The following SPOCK3 variants were observed in gnomAD, a reference collection of about 807,000 sequenced individuals.
SPOCK3 encodes SPARC (osteonectin), cwcv and kazal like domains proteoglycan 3, also known as testican-3.
SPOCK3 carries 30 observed loss-of-function variants against 56.6 expected under a neutral mutation model. That is an observed-to-expected ratio of 0.53 (90% CI 0.40 to 0.72). SPOCK3 has a LOEUF of 0.72. Among genes scored for constraint, SPOCK3 ranks in the 30% least tolerant of loss-of-function variants. The pLI, the probability that SPOCK3 is intolerant of heterozygous loss-of-function variation, is 0.00. For synonymous variants in SPOCK3, 196 were observed against 183.3 expected (o/e 1.07, Z -0.56); for missense variants, 527 against 530.0 (o/e 0.99, Z 0.06).
intron 6 of SPOCK3, among the ~76,000 whole-genome samples, chr4:166,840,960 C>T (rs187518291): frequency 4.7e-5 from 7 of 150,400 alleles, no homozygotes; most frequent in Non-Finnish European, 1.0e-4. Flanking sequence ...TTGTATTTTT[C>T]GTAGCGACGG....
intron 8 of SPOCK3, among the ~76,000 whole-genome samples, chr4:166,748,983 A>C (rs1233203412): frequency 7.3e-6 from 1 of 137,326 alleles, no homozygotes; most frequent in African/African-American, 3.1e-5. Flanking sequence ...AAAGTCAGGA[A>C]ACAACAGGTG....
intron 3 of SPOCK3, among the ~76,000 whole-genome samples, chr4:167,033,233 C>T (rs1234295167): frequency 6.6e-6 from 1 of 151,484 alleles, no homozygotes; most frequent in Admixed American, 6.6e-5. Flanking sequence ...CAAAGTAATT[C>T]ACCACTGAGC....
At chr4:167,044,251 T>G (rs1023936486) in intron 3 of SPOCK3, among the ~76,000 whole-genome samples, 6 of 152,050 alleles carry the variant, frequency 3.9e-5, no homozygotes, top group Non-Finnish European at 7.4e-5. Flanking sequence ...AATATTTACT[T>G]ATTATCCTTT....
chr4:167,123,740 C>CTTTTTTTTTTT (rs901846399), intron 2 of SPOCK3, among the ~76,000 whole-genome samples: 2 of 118,382 alleles, frequency 1.7e-5, no homozygotes, highest in African/African-American at 6.4e-5. Flanking sequence ...CATTTCTTTT[C>CTTTTTTTTTTT]TTTTTTTTTT....
chr4:167,218,335 T>C (rs1047029337), intron 2 of SPOCK3, among the ~76,000 whole-genome samples: 2 of 152,062 alleles, frequency 1.3e-5, no homozygotes, highest in African/African-American at 4.8e-5. Context: ...AGTTCAAGAG[T>C]AGCAACTAGC....
chr4:167,214,449 TG>T (rs1401209550), intron 2 of SPOCK3, among the ~76,000 whole-genome samples: 1 of 152,094 alleles, frequency 6.6e-6, no homozygotes, highest in Non-Finnish European at 1.5e-5. Context: ...CAATTTTGTT[TG>T]GGGTACTAAA....
intron 6 of SPOCK3, among the ~76,000 whole-genome samples, chr4:166,848,255 A>T (rs1360105307): frequency 6.6e-6 from 1 of 152,198 alleles, no homozygotes; most frequent in Non-Finnish European, 1.5e-5. Context: ...TCAAATGACT[A>T]CAGCATAGAT....
chr4:166,971,315 G>C (rs902186419), intron 4 of SPOCK3, among the ~76,000 whole-genome samples: 1 of 151,862 alleles, frequency 6.6e-6, no homozygotes, highest in Admixed American at 6.6e-5. Context: ...GTATTGTTTA[G>C]CTCCAAAAAG....
chr4:166,804,167 G>A (rs530059259), intron 6 of SPOCK3, among the ~76,000 whole-genome samples: 3 of 152,208 alleles, frequency 2.0e-5, no homozygotes, highest in East Asian at 3.9e-4. Flanking sequence ...TTTGTAAGAC[G>A]TCAGAATTCT....
At chr4:167,061,585 C>A (rs900358323) in intron 3 of SPOCK3, among the ~76,000 whole-genome samples, 1 of 151,852 alleles carries the variant, frequency 6.6e-6, no homozygotes, top group African/African-American at 2.4e-5. Context: ...GCAGTCACCC[C>A]AAATATTAAG....
At chr4:166,824,321 T>C (rs1377235817) in intron 6 of SPOCK3, among the ~76,000 whole-genome samples, 2 of 152,104 alleles carry the variant, frequency 1.3e-5, no homozygotes, top group East Asian at 1.9e-4. Flanking sequence ...AAGTAGAGCC[T>C]TTGGAACATT....
chr4:166,832,779 T>G (rs1362985005), intron 6 of SPOCK3, among the ~76,000 whole-genome samples: 1 of 152,144 alleles, frequency 6.6e-6, no homozygotes, highest in African/African-American at 2.4e-5. Context: ...GGGGCTATTA[T>G]CCTAAGCAAA....
intron 4 of SPOCK3, among the ~76,000 whole-genome samples, chr4:166,923,335 A>T (rs1161877853): frequency 6.6e-6 from 1 of 152,206 alleles, no homozygotes; most frequent in Non-Finnish European, 1.5e-5. Flanking sequence ...TTTGGCACAC[A>T]TAGTAATATT....
chr4:166,905,535 A>G (rs1736516685), intron 5 of SPOCK3, among the ~76,000 whole-genome samples: 2 of 152,034 alleles, frequency 1.3e-5, no homozygotes, highest in Admixed American at 6.6e-5. Flanking sequence ...TTTACATGCA[A>G]AAATCTATAG....
At chr4:166,944,592 G>C (rs1264067594) in intron 4 of SPOCK3, among the ~76,000 whole-genome samples, 1 of 152,034 alleles carries the variant, frequency 6.6e-6, no homozygotes, top group Non-Finnish European at 1.5e-5. Flanking sequence ...AAACATTATA[G>C]ATCAATTACA....
chr4:166,944,220 C>CT (rs368547823), intron 4 of SPOCK3, among the ~76,000 whole-genome samples: 40 of 151,330 alleles, frequency 2.6e-4, no homozygotes, highest in South Asian at 6.3e-4. Flanking sequence ...AGAAGTGTCT[C>CT]TTTTTTTTTA....
chr4:166,837,331 A>G (rs1746724224), intron 6 of SPOCK3, among the ~76,000 whole-genome samples: 1 of 151,968 alleles, frequency 6.6e-6, no homozygotes, highest in Non-Finnish European at 1.5e-5. Context: ...TCTGGACTTG[A>G]GCTCTATTTT....
chr4:167,055,619 G>A (rs1040829630), intron 3 of SPOCK3, among the ~76,000 whole-genome samples: 7 of 152,292 alleles, frequency 4.6e-5, no homozygotes, highest in East Asian at 1.9e-4. Flanking sequence ...CTTTTCCAAC[G>A]GGCTTAAAAT....
intron 4 of SPOCK3, among the ~76,000 whole-genome samples, chr4:166,928,324 C>T (rs1296708272): frequency 6.6e-6 from 1 of 152,136 alleles, no homozygotes; most frequent in African/African-American, 2.4e-5. Flanking sequence ...TGGAAGCAAG[C>T]AACACGTCCT....
Sources: gnomAD v4.1 joint callset for allele counts (sites outside exome capture counted in the v4.1 genomes callset) on GRCh38, gnomAD v4.1.1 for gene constraint, MANE v1.5 for transcripts, NCBI Gene and HGNC (gene_info 2026-07-23, HGNC 2026-07-21) for gene names.